The following TMIGD3 variants were observed in gnomAD, a reference collection of about 807,000 sequenced individuals.
TMIGD3 encodes AD026 protein (AD026).
Under a neutral mutation model 28.1 loss-of-function variants are expected in TMIGD3, and 21 were observed. The ratio of observed to expected loss-of-function variants is 0.75; its 90% CI spans 0.53 to 1.08. The LOEUF (loss-of-function observed/expected upper bound fraction) is 1.08, where lower values mean the gene tolerates loss of function less well. Ranked by LOEUF, TMIGD3 falls within the 50% of genes least tolerant of loss-of-function variation. The pLI is 0.00. For synonymous variants in TMIGD3, 151 were observed against 162.1 expected (o/e 0.93, Z 0.52); for missense variants, 416 against 435.6 (o/e 0.96, Z 0.40).
intron 1 of TMIGD3, among the ~76,000 whole-genome samples, chr1:111,535,459 A>G (rs183888499): frequency 3.2e-4 from 48 of 152,346 alleles, no homozygotes; most frequent in African/African-American, 6.5e-4. Flanking sequence ...TTGAAATCAG[A>G]TGGGCATTTG....
At chr1:111,520,918 A>G (rs777884410) in intron 1 of TMIGD3, among the ~76,000 whole-genome samples, 4 of 152,254 alleles carry the variant, frequency 2.6e-5, no homozygotes, top group Non-Finnish European at 4.4e-5. Context: ...TGGCATATGT[A>G]TACACCTGTG....
chr1:111,533,355 A>G (rs368166888), intron 1 of TMIGD3, among the ~76,000 whole-genome samples: 4 of 152,228 alleles, frequency 2.6e-5, no homozygotes, highest in East Asian at 1.9e-4. Context: ...GCATTCCTTA[A>G]TGGAATTTAA....
Position 111,503,516 on chromosome 1 carries a change from A to G in TMIGD3, c.-162T>C. 1 of 1,431,792 alleles carries G rather than the reference A, an allele frequency of 7.0e-7. No homozygotes were observed. Among genetic ancestry groups the G allele is most frequent in the Non-Finnish European group, 9.1e-7 (1 of 1,094,968 alleles). 88.7% of individuals were successfully genotyped at this position (1,431,792 alleles called of 1,614,324 possible). A position where few individuals can be genotyped will look rare whatever the true frequency, so the allele number is the denominator to read the frequency against. On this transcript the variant is annotated 5_prime_UTR_variant, in exon 1 of 6. Transcript: ENST00000369716. Reference sequence around the variant, plus strand: ...ATTCCTACCCTTTTCTGGTGGGGTGATCTCTTGGAAACCCTTCTCCTTAGA... The same window carrying G: ...ATTCCTACCCTTTTCTGGTGGGGTGGTCTCTTGGAAACCCTTCTCCTTAGA...
At chr1:111,526,705 A>T (rs1656274708) in intron 1 of TMIGD3, among the ~76,000 whole-genome samples, 1 of 152,200 alleles carries the variant, frequency 6.6e-6, no homozygotes, top group South Asian at 2.1e-4. Flanking sequence ...CACACTTTAT[A>T]TTAGGGTTCA....
At chr1:111,499,691 G>A in intron 1 of TMIGD3, 1 of 1,260,806 alleles carries the variant, frequency 7.9e-7, no homozygotes, top group Non-Finnish European at 1.0e-6. Context: ...AAGGAAAACA[G>A]ACAATAATAT....
chr1:111,527,214 G>A (rs1012461925), intron 1 of TMIGD3, among the ~76,000 whole-genome samples: 3 of 151,988 alleles, frequency 2.0e-5, no homozygotes, highest in Non-Finnish European at 2.9e-5. Flanking sequence ...GTTTCACCAT[G>A]TTGGCCAGGC....
Position 111,563,849 on chromosome 1 carries a change from G to T in TMIGD3, c.104C>A (p.Ser35Ter). The T allele has an allele frequency of 6.2e-7, 1 of 1,612,110 alleles. No homozygotes were observed. The highest frequency in any genetic ancestry group is 1.1e-5 in the South Asian group (1 of 91,042). ...TATATTTTCTGCTATGACTCACTGT[G>T]ACTCAGGACTCAAGCAGCCCAGTGT... is the stretch of plus-strand genomic sequence containing the variant. Residue 35 changes from serine to a stop codon, truncating the protein, a stop_gained, in exon 1 of 6, where the codon TCA becomes TAA. Coordinates refer to the TMIGD3 transcript ENST00000369717. LOFTEE classifies it high-confidence loss of function.
intron 1 of TMIGD3, among the ~76,000 whole-genome samples, chr1:111,548,521 C>CA (rs1657122696): frequency 6.6e-6 from 1 of 152,228 alleles, no homozygotes; most frequent in Non-Finnish European, 1.5e-5. Flanking sequence ...TGGCACCCAT[C>CA]AAGTGGAAAG....
exon 1 of TMIGD3, chr1:111,563,861 A>C (rs1657843619): frequency 3.7e-6 from 6 of 1,612,968 alleles, no homozygotes; most frequent in African/African-American, 1.3e-5. Context: ...CTCAGGACTC[A>C]AGCAGCCCAG....
In TMIGD3 at chr1:111,536,459, C is replaced by T. The variant is rs542138772; in HGVS notation, c.107+27387G>A. 2.6e-5 allele frequency among the ~76,000 whole-genome samples: 4 copies of T among 152,254 alleles called. No individual in the cohort carries two copies. The East Asian group carries it at 7.7e-4, about 29-fold the overall frequency. Reference sequence around the variant, plus strand: ...GCCATGCCCTCATTTCCCTTACTTACTTGCACTATTAACTTCCTATTAATG... The same window carrying T: ...GCCATGCCCTCATTTCCCTTACTTATTTGCACTATTAACTTCCTATTAATG... On this transcript the variant is annotated intron_variant, in intron 1 of 5. Coordinates refer to the TMIGD3 transcript ENST00000369717.
At chr1:111,484,972 T>C (rs1654290447) in intron 5 of TMIGD3, among the ~76,000 whole-genome samples, 1 of 152,246 alleles carries the variant, frequency 6.6e-6, no homozygotes, top group African/African-American at 2.4e-5. Context: ...GAGGATTCTC[T>C]GAACAGTAAG....
chr1:111,502,096 A>AGATATATATTTAATATAATAAATATATAG (rs1161575777), intron 1 of TMIGD3, among the ~76,000 whole-genome samples: 22 of 123,320 alleles, frequency 1.8e-4, no homozygotes, highest in South Asian at 1.4e-3. Context: ...TATATATAGG[A>AGATATATATTTAATATAATAAATATATAG]GATATATATT....
rs149365708 is a variant in TMIGD3 at position 111,543,263 on chromosome 1, G to A, written c.107+20583C>T. 4.2e-3 allele frequency among the ~76,000 whole-genome samples: 645 copies of A among 152,234 alleles called. 5 individuals are homozygous for A. The highest frequency in any genetic ancestry group is 0.014 in the African/African-American group (584 of 41,524). ...AACTCTGGTGTGTATGCGTGTTTCTGTGTGTGTTGTATAAATATATATATA... is the reference window on the plus strand; with the variant it reads ...AACTCTGGTGTGTATGCGTGTTTCTATGTGTGTTGTATAAATATATATATA... On this transcript the variant is annotated intron_variant, in intron 1 of 5. Coordinates refer to the TMIGD3 transcript ENST00000369717.
chr1:111,500,533 CTG>C lies in TMIGD3; in HGVS notation c.350+2470_350+2471del, dbSNP rs757885034. ...AAGGCCCAGGGCCAGCCATATTCTT[CTG>C]TGAGTGGTGACCCTCTTGTATCTGT... On this transcript the variant is annotated intron_variant, in intron 1 of 5. Transcript: ENST00000369716. 8.7e-6 allele frequency: 14 copies of C among 1,614,078 alleles called. No homozygotes were observed. The East Asian group carries it at 3.1e-4, about 36-fold the overall frequency.
intron 2 of TMIGD3, 108 bp from the exon 3 acceptor site, chr1:111,489,132 G>T: frequency 8.7e-7 from 1 of 1,153,934 alleles, no homozygotes; most frequent in Non-Finnish European, 1.2e-6. Context: ...AAGAATCGGA[G>T]GCTGATTTTT....
chr1:111,500,706 T>A (rs2798566), intron 1 of TMIGD3: 4 of 738,832 alleles, frequency 5.4e-6, no homozygotes, highest in South Asian at 1.8e-5. Flanking sequence ...AGCATTGATA[T>A]CCTATGGTGA....
chr1:111,505,497 A>G (rs1655455582), upstream of TMIGD3, among the ~76,000 whole-genome samples: 1 of 152,186 alleles, frequency 6.6e-6, no homozygotes, highest in Admixed American at 6.5e-5. Context: ...CTGAATAGAC[A>G]AGGTCCATCA....
chr1:111,563,210 G>A (rs1436853295), intron 1 of TMIGD3, among the ~76,000 whole-genome samples: 1 of 152,066 alleles, frequency 6.6e-6, no homozygotes, highest in Non-Finnish European at 1.5e-5. Context: ...AGGAGGTTGA[G>A]GCCACGATGA....
chr1:111,504,822 C>T, upstream of TMIGD3: 1 of 981,548 alleles, frequency 1.0e-6, no homozygotes, highest in Non-Finnish European at 1.2e-6. Context: ...CTCCCGACCC[C>T]CACCCTGTAT....
Sources: gnomAD v4.1 joint callset for allele counts (sites outside exome capture counted in the v4.1 genomes callset) on GRCh38, gnomAD v4.1.1 for gene constraint, MANE v1.5 for transcripts, NCBI Gene and HGNC (gene_info 2026-07-23, HGNC 2026-07-21) for gene names.